The following CA10 variants were observed in gnomAD, a reference collection of about 807,000 sequenced individuals.
The protein encoded by CA10 is carbonic anhydrase 10 (inactive).
Under a neutral mutation model 44.2 loss-of-function variants are expected in CA10, and 14 were observed. That is an observed-to-expected ratio of 0.32 (90% CI 0.21 to 0.50). The LOEUF (loss-of-function observed/expected upper bound fraction) is 0.50, where lower values mean the gene tolerates loss of function less well. Ranked by LOEUF, CA10 falls within the 20% of genes least tolerant of loss-of-function variation. The pLI, the probability that CA10 is intolerant of heterozygous loss-of-function variation, is 0.99. For synonymous variants in CA10, 159 were observed against 141.6 expected (o/e 1.12, Z -0.87); for missense variants, 350 against 409.7 (o/e 0.85, Z 1.26).
At chr17:51,768,785 C>G (rs1240290326) in intron 3 of CA10, among the ~76,000 whole-genome samples, 6 of 152,206 alleles carry the variant, frequency 3.9e-5, no homozygotes, top group African/African-American at 1.4e-4. Context: ...TAGTACTTGG[C>G]ACATAGTGGG....
At chr17:51,677,665 TAG>T (rs202102954) in intron 4 of CA10, among the ~76,000 whole-genome samples, 10 of 150,052 alleles carry the variant, frequency 6.7e-5, no homozygotes, top group East Asian at 1.9e-4. Context: ...CAGGGTGGAG[TAG>T]AGAGAGAGAG....
intron 1 of CA10, among the ~76,000 whole-genome samples, chr17:52,089,281 T>C (rs1988200056): frequency 1.3e-5 from 2 of 152,326 alleles, no homozygotes; most frequent in African/African-American, 4.8e-5. Context: ...AAGATGCTGG[T>C]CTTGGTGAGT....
At chr17:51,786,533 CAG>C (rs1488771797) in intron 3 of CA10, among the ~76,000 whole-genome samples, 2 of 152,228 alleles carry the variant, frequency 1.3e-5, no homozygotes, top group African/African-American at 4.8e-5. Flanking sequence ...GCCTGCGTGA[CAG>C]AGTGAGACTC....
At chr17:51,741,053 T>A (rs1228152399) in intron 4 of CA10, among the ~76,000 whole-genome samples, 1 of 152,242 alleles carries the variant, frequency 6.6e-6, no homozygotes, top group Non-Finnish European at 1.5e-5. Context: ...TTTTTATTTG[T>A]TTTATTCACT....
chr17:52,070,601 C>T (rs1307343211), intron 2 of CA10: 2 of 152,202 alleles, frequency 1.3e-5, no homozygotes, highest in African/African-American at 2.4e-5. Context: ...CACTTGCACA[C>T]GTTACTGCTT....
chr17:51,694,220 A>AG (rs1260805126), intron 4 of CA10, among the ~76,000 whole-genome samples: 6 of 151,984 alleles, frequency 3.9e-5, no homozygotes, highest in African/African-American at 1.4e-4. Flanking sequence ...AAAAAAAAAA[A>AG]GAAATCTCCA....
intron 3 of CA10, among the ~76,000 whole-genome samples, chr17:51,871,548 G>A (rs1413873845): frequency 6.7e-6 from 1 of 149,300 alleles, no homozygotes; most frequent in Non-Finnish European, 1.5e-5. Flanking sequence ...CCACACCTGG[G>A]TAATTTTTGT....
intron 2 of CA10, among the ~76,000 whole-genome samples, chr17:51,994,482 A>G (rs527308512): frequency 1.1e-4 from 17 of 152,156 alleles, no homozygotes; most frequent in African/African-American, 4.1e-4. Flanking sequence ...AGGTTTGCAG[A>G]AGTCCTGAGA....
intron 4 of CA10, among the ~76,000 whole-genome samples, chr17:51,735,340 G>A (rs1265552534): frequency 6.6e-6 from 1 of 152,058 alleles, no homozygotes; most frequent in African/African-American, 2.4e-5. Context: ...GGAGCTAAAC[G>A]TTGGGTACTC....
chr17:52,058,031 G>A (rs536790280), intron 2 of CA10, among the ~76,000 whole-genome samples: 16 of 152,198 alleles, frequency 1.1e-4, no homozygotes, highest in African/African-American at 3.6e-4. Context: ...TATCCAACAG[G>A]AGTACTTCAT....
intron 4 of CA10, among the ~76,000 whole-genome samples, chr17:51,666,546 T>G (rs1914214334): frequency 6.6e-6 from 1 of 152,088 alleles, no homozygotes; most frequent in Non-Finnish European, 1.5e-5. Context: ...CTTCCAGAAA[T>G]CACATTACCA....
chr17:52,125,628 T>C (rs2970011), intron 1 of CA10, among the ~76,000 whole-genome samples: 150,985 of 152,288 alleles, frequency 0.99, 74,856 homozygotes, highest in East Asian at 1. Flanking sequence ...GGTCTCTTGA[T>C]ACCTTCCTAG....
At chr17:51,662,511 G>C (rs536136714) in intron 4 of CA10, among the ~76,000 whole-genome samples, 4 of 152,364 alleles carry the variant, frequency 2.6e-5, no homozygotes, top group African/African-American at 9.6e-5. Flanking sequence ...AAAAGGAAAG[G>C]TGTTCTGTAT....
At chr17:51,731,184 G>A (rs1445856041) in intron 4 of CA10, among the ~76,000 whole-genome samples, 1 of 152,022 alleles carries the variant, frequency 6.6e-6, no homozygotes, top group East Asian at 1.9e-4. Context: ...GGAGACCATC[G>A]TGGCCAACAT....
chr17:52,113,035 C>A (rs1413535035), intron 1 of CA10, among the ~76,000 whole-genome samples: 4 of 152,200 alleles, frequency 2.6e-5, no homozygotes, highest in Non-Finnish European at 5.9e-5. Context: ...TATTTAATGG[C>A]CAGCCTAACA....
At chr17:51,757,033 C>CGTG (rs1326221226) in intron 3 of CA10, among the ~76,000 whole-genome samples, 1 of 152,066 alleles carries the variant, frequency 6.6e-6, no homozygotes, top group South Asian at 2.1e-4. Context: ...ATTCAACGGC[C>CGTG]GTGTCATGAA....
intron 3 of CA10, among the ~76,000 whole-genome samples, chr17:51,756,252 T>C (rs550773404): frequency 6.6e-4 from 100 of 152,282 alleles, no homozygotes; most frequent in African/African-American, 2.3e-3. Flanking sequence ...ATTTCACCCT[T>C]ATGCTGCCCA....
intron 3 of CA10, among the ~76,000 whole-genome samples, chr17:51,785,524 G>A (rs1417860014): frequency 1.3e-5 from 2 of 152,066 alleles, no homozygotes; most frequent in Non-Finnish European, 1.5e-5. Flanking sequence ...AATAACAAAC[G>A]CCAGTGAAGA....
chr17:51,663,518 G>T (rs536348522), intron 4 of CA10, among the ~76,000 whole-genome samples: 1 of 64,714 alleles, frequency 1.5e-5, no homozygotes, highest in East Asian at 4.6e-4. Context: ...CTGGCTCCAA[G>T]TCCTGGGTCT....
Sources: gnomAD v4.1 joint callset for allele counts (sites outside exome capture counted in the v4.1 genomes callset) on GRCh38, gnomAD v4.1.1 for gene constraint, MANE v1.5 for transcripts, NCBI Gene and HGNC (gene_info 2026-07-23, HGNC 2026-07-21) for gene names.